Variants in DGKB observed in about 807,000 individuals in gnomAD.
DGKB encodes the protein diacylglycerol kinase beta, also known as 90 kDa diacylglycerol kinase.
Under a neutral mutation model 114.3 loss-of-function variants are expected in DGKB, and 67 were observed. That is an observed-to-expected ratio of 0.59 (90% CI 0.48 to 0.72). The LOEUF is 0.72. DGKB is among the 30% of genes least tolerant of loss of function. DGKB has a pLI of 0.00. For synonymous variants in DGKB, 398 were observed against 323.1 expected (o/e 1.23, Z -2.49); for missense variants, 907 against 975.2 (o/e 0.93, Z 0.93).
At chr7:14,508,723 A>C (rs912106095) in intron 20 of DGKB, among the ~76,000 whole-genome samples, 3 of 152,108 alleles carry the variant, frequency 2.0e-5, no homozygotes, top group African/African-American at 7.2e-5. Context: ...TAAGGTTGAA[A>C]ATACTTTGAA....
At chr7:14,708,126 G>C (rs983304124) in intron 6 of DGKB, among the ~76,000 whole-genome samples, 2 of 50,818 alleles carry the variant, frequency 3.9e-5, no homozygotes, top group Admixed American at 2.6e-4. Context: ...AAAGTCTCAG[G>C]ATACAAAATC....
In DGKB at chr7:14,169,684, G is replaced by C. The variant is rs115891794; in HGVS notation, c.2304+7155C>G. Among the ~76,000 whole-genome samples the C allele has an allele frequency of 6.7e-3, 1,020 of 152,224 alleles. 16 individuals are homozygous for C. The highest frequency in any genetic ancestry group is 0.023 in the African/African-American group (965 of 41,520). Reference sequence around the variant, plus strand: ...TCAAGGGAGTAAGATCATCATAGCTGTGTTGGTCAGTAGTAATTCTGGCAA... The same window carrying C: ...TCAAGGGAGTAAGATCATCATAGCTCTGTTGGTCAGTAGTAATTCTGGCAA... On this transcript the variant is annotated intron_variant, in intron 25 of 25. Transcript: ENST00000402815.
chr7:14,312,910 T>C (rs773324418), intron 23 of DGKB, among the ~76,000 whole-genome samples: 1 of 152,230 alleles, frequency 6.6e-6, no homozygotes, highest in African/African-American at 2.4e-5. Flanking sequence ...ATTTTTGATA[T>C]TGTATAATAA....
chr7:14,833,245 C>T (rs1196198015), intron 2 of DGKB, among the ~76,000 whole-genome samples: 1 of 152,034 alleles, frequency 6.6e-6, no homozygotes, highest in African/African-American at 2.4e-5. Context: ...TCCTTTTCAT[C>T]AAAGATACAA....
intron 25 of DGKB, among the ~76,000 whole-genome samples, chr7:14,166,447 C>G (rs1288141204): frequency 6.6e-6 from 1 of 152,164 alleles, no homozygotes; most frequent in African/African-American, 2.4e-5. Flanking sequence ...TCTATGAAAT[C>G]TCCAAGTCAG....
chr7:14,546,254 T>G (rs1223470833), intron 20 of DGKB, among the ~76,000 whole-genome samples: 1 of 152,226 alleles, frequency 6.6e-6, no homozygotes, highest in Non-Finnish European at 1.5e-5. Context: ...TTTTCTCAAA[T>G]GACTGCCCAA....
chr7:14,769,119 AAGAAAGAGAGAG>A (rs763494721), intron 2 of DGKB, among the ~76,000 whole-genome samples: 2 of 111,184 alleles, frequency 1.8e-5, no homozygotes, highest in African/African-American at 9.2e-5. Context: ...GAAAGAAAGA[AAGAAAGAGAGAG>A]AGAGAAAGAA....
At chr7:14,329,300 G>A (rs1161474628) in intron 23 of DGKB, among the ~76,000 whole-genome samples, 3 of 151,800 alleles carry the variant, frequency 2.0e-5, no homozygotes, top group Non-Finnish European at 4.4e-5. Context: ...GTGCTAGAGT[G>A]TGGCCATTAT....
intron 1 of DGKB, among the ~76,000 whole-genome samples, chr7:14,941,008 G>A (rs1214464496): frequency 6.6e-6 from 1 of 151,830 alleles, no homozygotes; most frequent in Non-Finnish European, 1.5e-5. Context: ...ATGTATTATT[G>A]AATTGTCAAA....
intron 5 of DGKB, among the ~76,000 whole-genome samples, chr7:14,731,639 G>T (rs1431688288): frequency 1.3e-5 from 2 of 152,104 alleles, no homozygotes; most frequent in African/African-American, 2.4e-5. Context: ...GGACTGATAT[G>T]GGAGATGACA....
At chr7:14,426,892 TA>T (rs35537454) in intron 21 of DGKB, among the ~76,000 whole-genome samples, 11 of 149,138 alleles carry the variant, frequency 7.4e-5, no homozygotes, top group South Asian at 2.1e-4. Flanking sequence ...CCATCTCTAC[TA>T]AAAAAAAAAT....
At chr7:14,169,383 AGAAAT>A in intron 25 of DGKB, among the ~76,000 whole-genome samples, 1 of 150,878 alleles carries the variant, frequency 6.6e-6, no homozygotes, top group African/African-American at 2.4e-5. Context: ...AAAAAAAAAA[AGAAAT>A]GCAAACCATG....
chr7:14,226,900 A>T (rs527923072), intron 23 of DGKB, among the ~76,000 whole-genome samples: 2 of 152,212 alleles, frequency 1.3e-5, no homozygotes, highest in East Asian at 3.9e-4. Flanking sequence ...ATGTGGTTAA[A>T]AAAGAATCTC....
At position 14,350,287 on chromosome 7, in the gene DGKB, G is replaced by A. The variant is rs202112022; in HGVS notation, c.1836-4896C>T. 5.9e-5 allele frequency among the ~76,000 whole-genome samples: 9 copies of A among 152,034 alleles called. No homozygotes were observed. In the East Asian group the frequency reaches 1.5e-3, roughly 26 times the overall value. On this transcript the variant is annotated intron_variant, in intron 21 of 25. Coordinates refer to ENST00000402815, the MANE Select transcript of DGKB (RefSeq NM_001350709.2). ...TCTTCAAGTTTTTAACTTTCAAATG[G>A]GTAATTTAATTTCCAGCAATATATT...
intron 1 of DGKB, among the ~76,000 whole-genome samples, chr7:14,963,339 A>C (rs898104895): frequency 3.3e-5 from 5 of 152,138 alleles, no homozygotes; most frequent in African/African-American, 1.2e-4. Flanking sequence ...AAAGATGGGA[A>C]GTATGGTAGC....
At position 14,293,936 on chromosome 7, in the gene DGKB, T is replaced by C. The variant is rs570718047; in HGVS notation, c.2122+44579A>G. Among the ~76,000 whole-genome samples the C allele has an allele frequency of 7.7e-3, 1,175 of 152,312 alleles. 17 individuals carry two copies. The highest frequency in any genetic ancestry group is 0.027 in the African/African-American group (1,138 of 41,566). On this transcript the variant is annotated intron_variant, in intron 23 of 25. Transcript: ENST00000402815. ...TATTGCTGAAATAAATTGCTACTAA[T>C]TTAGTGGCTTAAAGCAACACAGATT...
At chr7:14,575,989 C>T (rs1024077301) in intron 19 of DGKB, among the ~76,000 whole-genome samples, 52 of 152,154 alleles carry the variant, frequency 3.4e-4, no homozygotes, top group African/African-American at 1.1e-3. Context: ...AGAAATACCT[C>T]TTCTGGAGCT....
intron 23 of DGKB, among the ~76,000 whole-genome samples, chr7:14,277,818 AT>A (rs1183209581): frequency 6.6e-6 from 1 of 152,140 alleles, no homozygotes. Context: ...TAGTAGTTCT[AT>A]TTTTATTTTT....
intron 21 of DGKB, among the ~76,000 whole-genome samples, chr7:14,408,975 A>G (rs566817491): frequency 1.3e-5 from 2 of 152,184 alleles, no homozygotes; most frequent in South Asian, 4.1e-4. Context: ...GTATACATAC[A>G]TTTATTATTA....
Sources: allele counts gnomAD v4.1 joint callset (sites outside exome capture counted in the v4.1 genomes callset), GRCh38; gene constraint gnomAD v4.1.1; transcripts MANE v1.5; gene names NCBI Gene and HGNC (gene_info 2026-07-23, HGNC 2026-07-21).